The following PHACTR3 variants were observed in gnomAD, a reference collection of about 807,000 sequenced individuals.
PHACTR3 encodes the protein protein phosphatase 1, regulatory subunit 123.
In PHACTR3, 16 loss-of-function variants were observed where a neutral mutation model predicts 66.8. That is an observed-to-expected ratio of 0.24 (90% CI 0.16 to 0.36). The LOEUF (loss-of-function observed/expected upper bound fraction) is 0.36, where lower values mean the gene tolerates loss of function less well. Among genes scored for constraint, PHACTR3 ranks in the 10% least tolerant of loss-of-function variants. The pLI, the probability that PHACTR3 is intolerant of heterozygous loss-of-function variation, is 1.00. For missense variants in PHACTR3, 647 were observed against 719.9 expected (o/e 0.90, Z 1.16); for synonymous variants, 323 against 292.1 (o/e 1.11, Z -1.08).
At chr20:59,579,976 C>A (rs887831600) in intron 1 of PHACTR3, among the ~76,000 whole-genome samples, 3 of 152,060 alleles carry the variant, frequency 2.0e-5, no homozygotes, top group Admixed American at 2.0e-4. Context: ...GGAGAGGAAG[C>A]GCGCATTCCG....
intron 1 of PHACTR3, among the ~76,000 whole-genome samples, chr20:59,722,814 C>G (rs1335296677): frequency 1.3e-5 from 2 of 151,932 alleles, no homozygotes; most frequent in Non-Finnish European, 2.9e-5. Flanking sequence ...TTGGGAGGAG[C>G]CTCTGCTCAC....
At chr20:59,842,515 T>C (rs749817838) in intron 11 of PHACTR3, among the ~76,000 whole-genome samples, 21 of 152,164 alleles carry the variant, frequency 1.4e-4, no homozygotes, top group African/African-American at 4.6e-4. Flanking sequence ...GAGAATAATA[T>C]ACCCCTAAAG....
In PHACTR3 at chr20:59,632,973, G is replaced by A. The variant is rs542328191; in HGVS notation, c.118+27841G>A. On this transcript the variant is annotated intron_variant, in intron 1 of 12. Coordinates refer to ENST00000371015, the MANE Select transcript of PHACTR3 (RefSeq NM_080672.5). ...GTGCTGAGAAAGACTGGCCTGCAGTGCTCTTGCTTTTGCACTTCCGTCCCC... is the reference window on the plus strand; with the variant it reads ...GTGCTGAGAAAGACTGGCCTGCAGTACTCTTGCTTTTGCACTTCCGTCCCC... Among the ~76,000 whole-genome samples the A allele has an allele frequency of 2.0e-5, 3 of 152,148 alleles. No individual in the cohort carries two copies. In the East Asian group the frequency reaches 5.8e-4, roughly 29 times the overall value.
At chr20:59,739,355 C>T (rs1361398844) in intron 1 of PHACTR3, among the ~76,000 whole-genome samples, 1 of 152,136 alleles carries the variant, frequency 6.6e-6, no homozygotes, top group Non-Finnish European at 1.5e-5. Context: ...AGTCCGTTTT[C>T]ATACTGCTAC....
intron 1 of PHACTR3, among the ~76,000 whole-genome samples, chr20:59,615,537 A>C (rs2033997788): frequency 1.3e-5 from 2 of 152,202 alleles, no homozygotes; most frequent in Admixed American, 6.5e-5. Context: ...TATCCCATTC[A>C]TTCTCTGCCA....
At chr20:59,770,434 T>C (rs2040322556) in intron 5 of PHACTR3, among the ~76,000 whole-genome samples, 1 of 152,240 alleles carries the variant, frequency 6.6e-6, no homozygotes, top group Non-Finnish European at 1.5e-5. Context: ...TCTCCTTACC[T>C]GGGCTTCCCT....
intron 8 of PHACTR3, among the ~76,000 whole-genome samples, chr20:59,811,943 A>G (rs2041748094): frequency 6.6e-6 from 1 of 152,226 alleles, no homozygotes; most frequent in Admixed American, 6.5e-5. Flanking sequence ...ATAAAAGCAC[A>G]TTCTCAGCAG....
At chr20:59,662,366 C>T (rs1175798807) in intron 1 of PHACTR3, among the ~76,000 whole-genome samples, 1 of 152,062 alleles carries the variant, frequency 6.6e-6, no homozygotes, top group Non-Finnish European at 1.5e-5. Context: ...ACCCTGAGAC[C>T]TGCAGTGGGG....
At chr20:59,732,332 C>T (rs568209023) in intron 1 of PHACTR3, among the ~76,000 whole-genome samples, 1 of 152,302 alleles carries the variant, frequency 6.6e-6, no homozygotes, top group African/African-American at 2.4e-5. Context: ...CTCTGAGCCT[C>T]TACTTTTTAA....
chr20:59,632,423 G>A (rs1282037648), intron 1 of PHACTR3, among the ~76,000 whole-genome samples: 5 of 152,254 alleles, frequency 3.3e-5, no homozygotes, highest in East Asian at 1.9e-4. Flanking sequence ...CAGTTGAAGC[G>A]CTTGGAAAGA....
upstream of PHACTR3, among the ~76,000 whole-genome samples, chr20:59,603,246 C>T (rs1392254762): frequency 2.6e-5 from 4 of 152,254 alleles, no homozygotes; most frequent in East Asian, 1.9e-4. Context: ...CCCCCTTTCC[C>T]GGAAGACTCA....
intron 2 of PHACTR3, among the ~76,000 whole-genome samples, chr20:59,743,792 G>A (rs1272010844): frequency 6.6e-6 from 1 of 152,180 alleles, no homozygotes; most frequent in Non-Finnish European, 1.5e-5. Context: ...CGTCGGTTTG[G>A]CTTTGACACC....
intron 7 of PHACTR3, among the ~76,000 whole-genome samples, chr20:59,775,452 A>G (rs920736653): frequency 2.0e-5 from 3 of 152,176 alleles, no homozygotes; most frequent in African/African-American, 7.2e-5. Context: ...TACTGAAGGC[A>G]TGCGGTGGGT....
chr20:59,734,860 A>G (rs1051264837), intron 1 of PHACTR3, among the ~76,000 whole-genome samples: 3 of 152,080 alleles, frequency 2.0e-5, no homozygotes, highest in African/African-American at 7.2e-5. Context: ...CTCAATTATC[A>G]CTACCTACTA....
chr20:59,671,068 G>T (rs1357786544), intron 1 of PHACTR3, among the ~76,000 whole-genome samples: 1 of 152,142 alleles, frequency 6.6e-6, no homozygotes, highest in East Asian at 1.9e-4. Context: ...GAGAGCATTT[G>T]GTTTCAGAGA....
intron 1 of PHACTR3, among the ~76,000 whole-genome samples, chr20:59,626,194 C>T (rs1043279257): frequency 6.6e-6 from 1 of 152,140 alleles, no homozygotes; most frequent in Non-Finnish European, 1.5e-5. Context: ...AGCCTGTCAC[C>T]GTTTTTTGAG....
intron 1 of PHACTR3, among the ~76,000 whole-genome samples, chr20:59,583,020 G>A (rs2032907462): frequency 6.6e-6 from 1 of 152,116 alleles, no homozygotes; most frequent in Non-Finnish European, 1.5e-5. Context: ...GGCAGGGAGG[G>A]TCCTGGTTTT....
chr20:59,799,547 G>A (rs576328551), intron 7 of PHACTR3, among the ~76,000 whole-genome samples: 1 of 152,234 alleles, frequency 6.6e-6, no homozygotes, highest in East Asian at 1.9e-4. Flanking sequence ...AGAACCTGAT[G>A]AGGTTTCTTG....
intron 9 of PHACTR3, 122 bp from the exon 10 acceptor site, chr20:59,840,247 T>C: frequency 4.9e-6 from 7 of 1,421,740 alleles, no homozygotes; most frequent in Non-Finnish European, 5.6e-6. Context: ...CCATGAGTGA[T>C]GTGGAATTAA....
Sources: allele counts gnomAD v4.1 joint callset (sites outside exome capture counted in the v4.1 genomes callset), GRCh38; gene constraint gnomAD v4.1.1; transcripts MANE v1.5; gene names NCBI Gene and HGNC (gene_info 2026-07-23, HGNC 2026-07-21).